The following COG3 variants were observed in gnomAD, a reference collection of about 807,000 sequenced individuals.
The protein encoded by COG3 is component of oligomeric golgi complex 3, also known as conserved oligomeric Golgi complex subunit 3.
COG3 carries 32 observed loss-of-function variants against 114.1 expected under a neutral mutation model. That is an observed-to-expected ratio of 0.28 (90% CI 0.21 to 0.38). The LOEUF is 0.38. COG3 is among the 10% of genes least tolerant of loss of function. The pLI, the probability that COG3 is intolerant of heterozygous loss-of-function variation, is 1.00. For missense variants in COG3, 813 were observed against 973.2 expected, an observed-to-expected ratio of 0.84 and a Z score of 2.19; for synonymous variants, 352 against 365.7, an observed-to-expected ratio of 0.96 and a Z score of 0.43.
Position 45,535,440 on chromosome 13 carries a change from C to CT in COG3, c.*712dup, listed in dbSNP as rs1555301238. On this transcript the variant is annotated 3_prime_UTR_variant, in exon 23 of 23. Coordinates refer to ENST00000349995, the MANE Select transcript of COG3 (RefSeq NM_031431.4). ...TTCTCATCATAGATACGTGCAGTAT[C>CT]TTTAATGAGTATCTTCATGGTATGA... The CT allele has an allele frequency of 1.0e-5, 10 of 985,292 alleles. No homozygotes were observed. The highest frequency in any genetic ancestry group is 1.2e-5 in the Non-Finnish European group (10 of 829,944). The allele number at this position is 985,292 out of a possible 1,614,324, so 61.0% of individuals were successfully genotyped here.
At chr13:45,531,417 G>C (rs1873155032) in intron 22 of COG3, 2 of 152,436 alleles carry the variant, frequency 1.3e-5, no homozygotes, top group Admixed American at 1.3e-4. Flanking sequence ...AATCTGGGGA[G>C]ACTGATCAGG....
intron 10 of COG3, 75 bp from the exon 11 acceptor site, chr13:45,492,084 T>C (rs2137830291): frequency 1.1e-6 from 1 of 871,068 alleles, no homozygotes; most frequent in Non-Finnish European, 1.8e-6. Flanking sequence ...GCACATAAAG[T>C]GTAGGCTTTA....
At chr13:45,499,891 G>A (rs953453587) in intron 13 of COG3, among the ~76,000 whole-genome samples, 6 of 151,958 alleles carry the variant, frequency 3.9e-5, no homozygotes, top group Non-Finnish European at 5.9e-5. Flanking sequence ...GCATGGTGGC[G>A]GCTGTAGTCC....
chr13:45,515,476 C>A (rs1423850617), intron 16 of COG3, among the ~76,000 whole-genome samples: 1 of 152,142 alleles, frequency 6.6e-6, no homozygotes, highest in Non-Finnish European at 1.5e-5. Context: ...AAACTCTTTT[C>A]TGAAATGAGA....
chr13:45,485,235 C>G (rs1331804595), intron 7 of COG3, among the ~76,000 whole-genome samples: 1 of 60,776 alleles, frequency 1.6e-5, no homozygotes, highest in Non-Finnish European at 3.2e-5. Flanking sequence ...GGGGGGCTGA[C>G]CCCCCCCACC....
chr13:45,472,909 G>C (rs575557257), intron 1 of COG3, among the ~76,000 whole-genome samples: 25 of 152,102 alleles, frequency 1.6e-4, no homozygotes, highest in Admixed American at 5.2e-4. Context: ...TCCCTCTGTC[G>C]CCTAGGCTGG....
intron 3 of COG3, 115 bp from the exon 4 acceptor site, chr13:45,480,010 G>A: frequency 2.6e-6 from 2 of 759,446 alleles, no homozygotes; most frequent in African/African-American, 1.7e-5. Flanking sequence ...ATGTGCATAG[G>A]CAGTTTTCCT....
intron 19 of COG3, among the ~76,000 whole-genome samples, chr13:45,523,203 A>G (rs1476385835): frequency 6.6e-6 from 1 of 151,332 alleles, no homozygotes; most frequent in Non-Finnish European, 1.5e-5. Context: ...AGACTTATAT[A>G]TAGAAAATAT....
intron 8 of COG3, among the ~76,000 whole-genome samples, chr13:45,487,661 A>G (rs1194832531): frequency 1.3e-5 from 2 of 152,206 alleles, no homozygotes; most frequent in Non-Finnish European, 2.9e-5. Flanking sequence ...ATCAGCAGGG[A>G]AATGTAAATC....
chr13:45,514,733 C>T (rs1296776343), intron 16 of COG3, among the ~76,000 whole-genome samples: 2 of 151,932 alleles, frequency 1.3e-5, no homozygotes, highest in Admixed American at 6.6e-5. Flanking sequence ...CTGCAAGCTC[C>T]GCCTCCCAGG....
rs1433130132 is a variant in COG3 at position 45,465,166 on chromosome 13, T to C, written c.130T>C (p.Leu44=). ...GACCGACAGGCAGACGGACTCGGTATTGGAGCTGAAGGCGGCGGCAGAGAA... is the reference window on the plus strand; with the variant it reads ...GACCGACAGGCAGACGGACTCGGTACTGGAGCTGAAGGCGGCGGCAGAGAA... ...PLTDRQTDSV[L]ELKAAAENLP... is the part of the protein sequence containing the mutation. Residue 44 remains leucine (L), a synonymous_variant, in exon 1 of 23, where the codon TTG becomes CTG. Coordinates refer to ENST00000349995, the MANE Select transcript of COG3 (RefSeq NM_031431.4). The C allele has an allele frequency of 3.1e-6, 5 of 1,613,594 alleles. No homozygotes were observed. In the East Asian group the frequency reaches 8.9e-5, roughly 29 times the overall value.
At chr13:45,495,124 A>G (rs1341754926) in intron 12 of COG3, among the ~76,000 whole-genome samples, 4 of 147,614 alleles carry the variant, frequency 2.7e-5, no homozygotes, top group Admixed American at 1.4e-4. Flanking sequence ...GATTACAGCC[A>G]TGAGCCACCA....
At chr13:45,498,745 T>C (rs2137847123) in intron 13 of COG3, among the ~76,000 whole-genome samples, 1 of 152,034 alleles carries the variant, frequency 6.6e-6, no homozygotes, top group African/African-American at 2.4e-5. Context: ...TGTTTTGTAA[T>C]AAATTTTGTA....
At chr13:45,488,080 G>A (rs1469598861) in intron 8 of COG3, among the ~76,000 whole-genome samples, 1 of 152,172 alleles carries the variant, frequency 6.6e-6, no homozygotes, top group Non-Finnish European at 1.5e-5. Context: ...TTGCAGCAAC[G>A]TGAATGGAAC....
intron 1 of COG3, chr13:45,466,408 T>G (rs953039634): frequency 6.6e-6 from 1 of 152,224 alleles, no homozygotes; most frequent in African/African-American, 2.4e-5. Context: ...TTCAACTTTT[T>G]CTGTCCTCCA....
intron 13 of COG3, among the ~76,000 whole-genome samples, chr13:45,496,866 G>T (rs193133004): frequency 6.6e-6 from 1 of 151,644 alleles, no homozygotes; most frequent in Non-Finnish European, 1.5e-5. Flanking sequence ...GTAGAGATGG[G>T]GTTTCACCGT....
Position 45,526,076 on chromosome 13 carries a change from A to ATTTTTTTTTTTTTTTTTTTT in COG3, c.2230+1036_2230+1055dup, listed in dbSNP as rs386379016. Among the ~76,000 whole-genome samples, 11 of 56,582 alleles carry ATTTTTTTTTTTTTTTTTTTT rather than the reference A, an allele frequency of 1.9e-4. 1 individual carries two copies. Among genetic ancestry groups the ATTTTTTTTTTTTTTTTTTTT allele is most frequent in the Admixed American group, 6.4e-4 (2 of 3,102 alleles). The allele number at this position is 56,582 out of a possible 152,430, so 37.1% of individuals were successfully genotyped here. On this transcript the variant is annotated intron_variant, in intron 20 of 22. Transcript: ENST00000349995. ...GCTATTCAAAGCCTCCAAAATTTTAATTTTTTTTTTTTTTTTTTTTTTTTT... is the reference window on the plus strand; with the variant it reads ...GCTATTCAAAGCCTCCAAAATTTTAATTTTTTTTTTTTTTTTTTTTTTTTTTTTTTTTTTTTTTTTTTTTT...
At chr13:45,527,725 T>G (rs1456579651) in intron 20 of COG3, among the ~76,000 whole-genome samples, 2 of 152,272 alleles carry the variant, frequency 1.3e-5, no homozygotes. Context: ...CACCAGCCTG[T>G]GCACCCACTC....
rs1566257090 is a variant in COG3, at chr13:45,500,061, T to TGA, written c.1489-3182_1489-3181insAG. Among the ~76,000 whole-genome samples, 432 of 54,280 alleles carry TGA rather than the reference T, an allele frequency of 8.0e-3. 3 individuals carry two copies. The highest frequency in any genetic ancestry group is 0.017 in the African/African-American group (403 of 23,474). 35.6% of individuals were successfully genotyped at this position (54,280 alleles called of 152,430 possible). ...ATGTATGTGTGTGTGTGTGTGTGTG[T>TGA]GTGTGAGTGTGTGTGTGTGTGTGTG... On this transcript the variant is annotated intron_variant, in intron 13 of 22. Transcript: ENST00000349995.
Sources: allele counts gnomAD v4.1 joint callset (sites outside exome capture counted in the v4.1 genomes callset), GRCh38; gene constraint gnomAD v4.1.1; transcripts MANE v1.5; gene names NCBI Gene and HGNC (gene_info 2026-07-23, HGNC 2026-07-21).